PAXIP1: variants seen among roughly 807,000 people sequenced by gnomAD.
The protein encoded by PAXIP1 is PAX-interacting protein 1.
In PAXIP1, 19 loss-of-function variants were observed where a neutral mutation model predicts 140.6. That is an observed-to-expected ratio of 0.14 (90% CI 0.09 to 0.20). The LOEUF is 0.20. Among genes scored for constraint, PAXIP1 ranks in the 10% least tolerant of loss-of-function variants. The pLI, the probability that PAXIP1 is intolerant of heterozygous loss-of-function variation, is 1.00. For synonymous variants in PAXIP1, 442 were observed against 444.6 expected, an observed-to-expected ratio of 0.99 and a Z score of 0.07; for missense variants, 920 against 1,208.6, an observed-to-expected ratio of 0.76 and a Z score of 3.54.
chr7:154,978,667 A>G (rs990438061), intron 5 of PAXIP1, among the ~76,000 whole-genome samples: 1 of 152,218 alleles, frequency 6.6e-6, no homozygotes, highest in Non-Finnish European at 1.5e-5. Flanking sequence ...CAATTAATAC[A>G]AAAATATCAT....
chr7:154,953,094 G>A (rs1455960062), intron 16 of PAXIP1, among the ~76,000 whole-genome samples: 2 of 152,192 alleles, frequency 1.3e-5, no homozygotes. Flanking sequence ...AAATTTAAAA[G>A]ATGGATTTAA....
chr7:154,972,407 TA>T (rs926529511), intron 6 of PAXIP1, among the ~76,000 whole-genome samples: 9 of 152,152 alleles, frequency 5.9e-5, no homozygotes, highest in Admixed American at 3.9e-4. Flanking sequence ...GAGAATCGCC[TA>T]AACCAGGGAG....
At chr7:154,981,143 G>T (rs1056612362) in intron 5 of PAXIP1, among the ~76,000 whole-genome samples, 1 of 152,044 alleles carries the variant, frequency 6.6e-6, no homozygotes, top group Non-Finnish European at 1.5e-5. Flanking sequence ...AATTACTTAG[G>T]AATGGTAATG....
chr7:154,974,180 C>T (rs1809459353), intron 6 of PAXIP1: 1 of 152,340 alleles, frequency 6.6e-6, no homozygotes. Flanking sequence ...TTCCTTATCT[C>T]TGAAACAGCA....
chr7:154,984,864 T>C (rs1809997816), intron 4 of PAXIP1, among the ~76,000 whole-genome samples: 1 of 152,222 alleles, frequency 6.6e-6, no homozygotes, highest in African/African-American at 2.4e-5. Context: ...TATTTTATTT[T>C]ACTGACTGCA....
chr7:154,998,904 C>T, intron 1 of PAXIP1, 120 bp from the exon 2 acceptor site: 2 of 831,224 alleles, frequency 2.4e-6, no homozygotes, highest in South Asian at 1.9e-5. Context: ...ATATTCCCCA[C>T]ATAAAAACTA....
Position 154,975,781 on chromosome 7 carries a change from G to A in PAXIP1, c.989C>T (p.Thr330Ile). Reference protein sequence around the residue: ...QSSERSEMIATWSPAVRTLRN... With the variant: ...QSSERSEMIAIWSPAVRTLRN... ...CAGTGTCCGTACAGCTGGACTCCAG[G>A]TAGCTATCATTTCTGATCTTTCAGA... Residue 330 changes from threonine to isoleucine, a missense_variant, in exon 6 of 21, where the codon ACC becomes ATC. By Grantham distance (89) the Thr-to-Ile change is moderately conservative. Around this residue, in one of 5 missense-constraint regions of PAXIP1, gnomAD observed 419 missense variants for 514.7 expected, o/e 0.81. Coordinates refer to ENST00000404141, the MANE Select transcript of PAXIP1 (RefSeq NM_007349.4). 1 of 1,613,866 alleles carries A rather than the reference G, an allele frequency of 6.2e-7. No individual in the cohort carries two copies. Among genetic ancestry groups the A allele is most frequent in the Non-Finnish European group, 8.5e-7 (1 of 1,179,772 alleles).
chr7:155,002,596 G>A (rs1353183698), intron 1 of PAXIP1, among the ~76,000 whole-genome samples: 5 of 151,838 alleles, frequency 3.3e-5, no homozygotes, highest in African/African-American at 1.2e-4. Flanking sequence ...CGCAGGCCGG[G>A]GGCTCAGGGC....
chr7:154,959,823 C>T (rs1362166498), intron 13 of PAXIP1, 67 bp downstream of exon 13: 4 of 977,304 alleles, frequency 4.1e-6, no homozygotes, highest in Admixed American at 2.0e-5. Context: ...TTTATGAAGA[C>T]AAATACATCC....
rs1251964235 is a variant in PAXIP1 at position 154,956,054 on chromosome 7, C to T, written c.2550-423G>A. ...TGACTCAGGCCATTCCTTGTTTGCA[C>T]GTTCACCATCAATACAAGTCAGCCA... On this transcript the variant is annotated intron_variant, in intron 14 of 20. Coordinates refer to ENST00000404141, the MANE Select transcript of PAXIP1 (RefSeq NM_007349.4). The surrounding 1 kb of genome is among the most constrained non-coding windows in gnomAD (Gnocchi z 4.2). Among the ~76,000 whole-genome samples the T allele has an allele frequency of 3.3e-5, 5 of 152,148 alleles. No homozygotes were observed. The highest frequency in any genetic ancestry group is 4.8e-5 in the African/African-American group (2 of 41,410).
chr7:154,954,144 A>G lies in PAXIP1; in HGVS notation c.2821+111T>C. On this transcript the variant is annotated intron_variant, in intron 16 of 20. Coordinates refer to ENST00000404141, the MANE Select transcript of PAXIP1 (RefSeq NM_007349.4). The surrounding 1 kb of genome is among the most constrained non-coding windows in gnomAD (Gnocchi z 5.1). The stretch of plus-strand genomic sequence containing the variant: ...ATAAATTTTTAAATTTAAATGAATA[A>G]CTATCACATAGTTTAAAAATTAAAT... 2 of 726,770 alleles carry G rather than the reference A, an allele frequency of 2.8e-6. No individual in the cohort carries two copies. The highest frequency in any genetic ancestry group is 8.4e-5 in the South Asian group (2 of 23,780). 45.0% of individuals were successfully genotyped at this position (726,770 alleles called of 1,614,324 possible).
At chr7:154,990,494 C>A (rs1053763375) in intron 4 of PAXIP1, among the ~76,000 whole-genome samples, 9 of 152,158 alleles carry the variant, frequency 5.9e-5, no homozygotes, top group Non-Finnish European at 8.8e-5. Flanking sequence ...TCCACCAACA[C>A]TGAACACACT....
intron 5 of PAXIP1, among the ~76,000 whole-genome samples, chr7:154,977,641 T>A (rs957069836): frequency 4.6e-5 from 7 of 152,148 alleles, no homozygotes; most frequent in Admixed American, 1.3e-4. Flanking sequence ...CACCCATGAA[T>A]AAGAAGCTAA....
At chr7:154,978,347 A>C (rs866767609) in intron 5 of PAXIP1, among the ~76,000 whole-genome samples, 53 of 152,232 alleles carry the variant, frequency 3.5e-4, no homozygotes, top group African/African-American at 1.2e-3. Context: ...TGAGGTTTGA[A>C]AAGGAATAGA....
In PAXIP1 at chr7:154,963,036, G is replaced by A. The variant is rs769985700; in HGVS notation, c.1990-578C>T. On this transcript the variant is annotated intron_variant, in intron 9 of 20. Coordinates refer to ENST00000404141, the MANE Select transcript of PAXIP1 (RefSeq NM_007349.4). The surrounding 1 kb of genome is among the most constrained non-coding windows in gnomAD (Gnocchi z 4.1). ...ATATTGAGGAGAAAGCCTGCACCCC[G>A]GTAGTTTTAGAAAAGCTCTGTAAGG... 7.2e-5 allele frequency among the ~76,000 whole-genome samples: 11 copies of A among 152,160 alleles called. No homozygotes were observed. The highest frequency in any genetic ancestry group is 1.5e-4 in the Non-Finnish European group (10 of 68,042).
chr7:154,992,657 C>G (rs1366466697), intron 3 of PAXIP1, among the ~76,000 whole-genome samples: 1 of 151,450 alleles, frequency 6.6e-6, no homozygotes, highest in African/African-American at 2.4e-5. Flanking sequence ...TGACCTGGAA[C>G]AACAAAATCA....
rs1808075849 is a variant in PAXIP1 at position 154,947,994 on chromosome 7, T to C, written c.2831A>G (p.Asn944Ser). The change falls in exon 17 of 21, where the codon AAC (asparagine) becomes AGC (serine). Residue 944 changes from asparagine (N) to serine (S), a missense_variant. Physicochemically the swap from Asn to Ser is conservative, Grantham distance 46 (BLOSUM62 1). This residue lies in a region of PAXIP1 where 303 missense variants were observed against 517.9 expected (regional missense o/e 0.59). Coordinates refer to ENST00000404141, the MANE Select transcript of PAXIP1 (RefSeq NM_007349.4). ...TGCCTCAGCATCTCGGAGAATGTAG[T>C]TCTGCTCATCTGGAAAACAGAACAG... Reference protein sequence around the residue: ...FRCQKFIDEQNYILRDAEAEV... With the variant: ...FRCQKFIDEQSYILRDAEAEV... The C allele has an allele frequency of 6.2e-7, 1 of 1,611,324 alleles. No individual in the cohort carries two copies. Among genetic ancestry groups the C allele is most frequent in the African/African-American group, 1.3e-5 (1 of 74,864 alleles).
chr7:154,969,082 C>A lies in PAXIP1; in HGVS notation c.1119G>T (p.Gln373His). 1 of 1,497,212 alleles carries A rather than the reference C, an allele frequency of 6.7e-7. No individual in the cohort carries two copies. The allele number at this position is 1,497,212 out of a possible 1,614,324, so 92.7% of individuals were successfully genotyped here. A position where few individuals can be genotyped will look rare whatever the true frequency, so the allele number is the denominator to read the frequency against. ...TATGTCCCTGCTGGCTGTGATTCACCTGCTGTTCTAAATTTTTCGTAGGTG... is the reference window on the plus strand; with the variant it reads ...TATGTCCCTGCTGGCTGTGATTCACATGCTGTTCTAAATTTTTCGTAGGTG... ...LSAPTKNLEQ[Q>H]VNHSQQGHTN... The change falls in exon 7 of 21, where the codon CAG becomes CAT. Residue 373 changes from glutamine (Q) to histidine (H), a missense_variant. Around this residue, in one of 5 missense-constraint regions of PAXIP1, gnomAD observed 419 missense variants for 514.7 expected, o/e 0.81. Coordinates refer to ENST00000404141, the MANE Select transcript of PAXIP1 (RefSeq NM_007349.4).
In PAXIP1 at chr7:154,976,173, C is replaced by T. The variant is rs2150766492; in HGVS notation, c.597G>A (p.Glu199=). 1.2e-6 allele frequency: 2 copies of T among 1,601,236 alleles called. No homozygotes were observed. Among genetic ancestry groups the T allele is most frequent in the Non-Finnish European group, 1.7e-6 (2 of 1,172,398 alleles). ...AATCTTGTTCCTCATTTTCTACTTC[C>T]TCCTCCTCTTCCTCTTCCTCTTCTT... ...EEEEEEEEEE[E]EVENEEQDSQ... is the part of the protein sequence containing the mutation. Residue 199 remains glutamate, a synonymous_variant, in exon 6 of 21, where the codon GAG becomes GAA. Transcript: ENST00000404141.
Sources: gnomAD v4.1 joint callset for allele counts (sites outside exome capture counted in the v4.1 genomes callset) on GRCh38, gnomAD v4.1.1 for gene constraint, gnomAD v4.1.1 regional missense constraint, Gnocchi (gnomAD v3.1) non-coding constraint, MANE v1.5 for transcripts, NCBI Gene and HGNC (gene_info 2026-07-23, HGNC 2026-07-21) for gene names.